Variants in RFX6 observed in about 807,000 individuals in gnomAD.
The protein encoded by RFX6 is regulatory factor X6, also known as DNA-binding protein RFX6.
Under a neutral mutation model 110.8 loss-of-function variants are expected in RFX6, and 50 were observed. The ratio of observed to expected loss-of-function variants is 0.45; its 90% CI spans 0.36 to 0.57. The LOEUF is 0.57. RFX6 is among the 20% of genes least tolerant of loss of function. RFX6 has a pLI of 0.00. For missense variants in RFX6, 990 were observed against 1,127.0 expected (o/e 0.88, Z 1.74); for synonymous variants, 383 against 411.2 (o/e 0.93, Z 0.83).
intron 4 of RFX6, among the ~76,000 whole-genome samples, chr6:116,887,976 G>C (rs1774736331): frequency 6.6e-6 from 1 of 152,150 alleles, no homozygotes; most frequent in Non-Finnish European, 1.5e-5. Flanking sequence ...ACTTTGATCA[G>C]CCAAATCTTG....
At chr6:116,910,171 T>G (rs957403346) in intron 6 of RFX6, among the ~76,000 whole-genome samples, 15 of 152,268 alleles carry the variant, frequency 9.9e-5, no homozygotes, top group African/African-American at 3.6e-4. Flanking sequence ...CAATCTGGTT[T>G]GTTAAAATTT....
At position 116,877,852 on chromosome 6, in the gene RFX6, GAC is replaced by G; in HGVS notation, c.282_283del (p.Asp94GlufsTer23). On this transcript the variant is annotated frameshift_variant, in exon 2 of 19. Coordinates refer to ENST00000332958, the MANE Select transcript of RFX6 (RefSeq NM_173560.4). LOFTEE classifies it high-confidence loss of function. ...SSEEEDADNH[D>X]SKTKAADQYL... ...TGAAGAAGAGGACGCCGACAACCACGACAGCAAAACCAAAGCAGCGGATCAAT... is the reference window on the plus strand; with the variant it reads ...TGAAGAAGAGGACGCCGACAACCACGAGCAAAACCAAAGCAGCGGATCAAT... The G allele has an allele frequency of 1.2e-6, 2 of 1,614,044 alleles. No individual in the cohort carries two copies. The highest frequency in any genetic ancestry group is 1.7e-6 in the Non-Finnish European group (2 of 1,179,990).
In RFX6 at chr6:116,877,287, C is replaced by T. The variant is rs1363007876; in HGVS notation, c.12C>T (p.Val4=). 13 of 1,610,884 alleles carry T rather than the reference C, an allele frequency of 8.1e-6. No homozygotes were observed. Among genetic ancestry groups the T allele is most frequent in the Non-Finnish European group, 1.1e-5 (13 of 1,178,930 alleles). The change falls in exon 1 of 19, where the codon GTC becomes GTT. Residue 4 remains valine (V), a synonymous_variant. Coordinates refer to ENST00000332958, the MANE Select transcript of RFX6 (RefSeq NM_173560.4). ...CGGCGGCCAGGAGGATGGCCAAGGT[C>T]CCGGAGCTGGAAGACACCTTCCTGC... MAK[V]PELEDTFLQA...
intron 6 of RFX6, among the ~76,000 whole-genome samples, chr6:116,898,511 GT>G (rs1405831519): frequency 6.6e-6 from 1 of 151,978 alleles, no homozygotes; most frequent in East Asian, 1.9e-4. Context: ...TTGGAATTTA[GT>G]TTTGAAGGAT....
In RFX6 at chr6:116,920,366, T is replaced by C. The variant is rs1775567366; in HGVS notation, c.1239T>C (p.Ile413=). 6.2e-7 allele frequency: 1 copy of C among 1,612,162 alleles called. No homozygotes were observed. The highest frequency in any genetic ancestry group is 8.5e-7 in the Non-Finnish European group (1 of 1,178,210). Residue 413 remains isoleucine, a synonymous_variant, in exon 12 of 19, where the codon ATT becomes ATC. Coordinates refer to ENST00000332958, the MANE Select transcript of RFX6 (RefSeq NM_173560.4). ...QHVVNSMVSD[I]ERVDLNSIGS... Reference sequence around the variant, plus strand: ...TCGTTAATTCTATGGTGTCTGATATTGAAAGGGTTGATTTGAACAGCATTG... The same window carrying C: ...TCGTTAATTCTATGGTGTCTGATATCGAAAGGGTTGATTTGAACAGCATTG...
chr6:116,882,569 GAAAA>G, intron 4 of RFX6, 141 bp downstream of exon 4: 3 of 455,164 alleles, frequency 6.6e-6, no homozygotes, highest in South Asian at 3.0e-5. Context: ...TGTGAGAACT[GAAAA>G]AAAAAAAAAG....
At chr6:116,880,036 A>C (rs1774553712) in intron 2 of RFX6, among the ~76,000 whole-genome samples, 1 of 152,094 alleles carries the variant, frequency 6.6e-6, no homozygotes, top group South Asian at 2.1e-4. Context: ...AGACTTAAGT[A>C]AAATGAGTTT....
intron 2 of RFX6, 29 bp from the exon 3 acceptor site, chr6:116,880,515 T>C: frequency 1.2e-6 from 2 of 1,600,804 alleles, no homozygotes; most frequent in Non-Finnish European, 1.7e-6. Flanking sequence ...AATAAAATAT[T>C]TGACCTAATT....
intron 18 of RFX6, among the ~76,000 whole-genome samples, chr6:116,929,754 T>C (rs1423206248): frequency 6.6e-6 from 1 of 152,216 alleles, no homozygotes; most frequent in African/African-American, 2.4e-5. Context: ...TTAATATTTA[T>C]ATGAGATGGT....
chr6:116,921,953 G>T, intron 12 of RFX6, 89 bp from the exon 13 acceptor site: 1 of 697,186 alleles, frequency 1.4e-6, no homozygotes, highest in Non-Finnish European at 2.6e-6. Flanking sequence ...AAGTATTGAT[G>T]ATTCCAAGTT....
At chr6:116,925,847 C>T (rs1775714085) in intron 16 of RFX6, among the ~76,000 whole-genome samples, 188 bp downstream of exon 16, 1 of 152,090 alleles carries the variant, frequency 6.6e-6, no homozygotes, top group Non-Finnish European at 1.5e-5. Context: ...GTTATTAACA[C>T]AGGTATCATG....
chr6:116,912,927 G>A lies in RFX6; in HGVS notation c.780+1885G>A, dbSNP rs561226080. Among the ~76,000 whole-genome samples the A allele has an allele frequency of 1.1e-4, 17 of 152,214 alleles. 1 individual carries two copies. In the South Asian group the frequency reaches 3.5e-3, roughly 32 times the overall value. ...GTTCATTCCCAGTGGACTCCATCAT[G>A]AAAGCCAGGGACTGACACTCTTTTT... On this transcript the variant is annotated intron_variant, in intron 7 of 18. Coordinates refer to ENST00000332958, the MANE Select transcript of RFX6 (RefSeq NM_173560.4).
chr6:116,899,137 A>T (rs572522051), intron 6 of RFX6, among the ~76,000 whole-genome samples: 118 of 152,312 alleles, frequency 7.7e-4, no homozygotes, highest in Non-Finnish European at 1.3e-3. Flanking sequence ...AATATTCAGG[A>T]ACAGTTATAA....
At chr6:116,901,456 C>T (rs1233586672) in intron 6 of RFX6, among the ~76,000 whole-genome samples, 1 of 152,128 alleles carries the variant, frequency 6.6e-6, no homozygotes, top group Non-Finnish European at 1.5e-5. Flanking sequence ...CTCTATTGGA[C>T]AGCACTGTTC....
chr6:116,898,876 TAG>T (rs1014628896), intron 6 of RFX6, among the ~76,000 whole-genome samples: 2 of 152,200 alleles, frequency 1.3e-5, no homozygotes, highest in Non-Finnish European at 2.9e-5. Context: ...CCAGGTTTTC[TAG>T]AGAGAATATA....
intron 17 of RFX6, among the ~76,000 whole-genome samples, chr6:116,928,221 A>C (rs595698): frequency 0.24 from 36,963 of 152,132 alleles, 4,878 homozygotes; most frequent in South Asian, 0.42. Context: ...AAGATTGGGA[A>C]CAAAACAGAC....
rs1774606769 is a variant in RFX6, at chr6:116,882,356, T to G, written c.505-11T>G. On this transcript the variant is annotated splice_polypyrimidine_tract_variant and intron_variant, in intron 3 of 18. Coordinates refer to ENST00000332958, the MANE Select transcript of RFX6 (RefSeq NM_173560.4). Reference sequence around the variant, plus strand: ...CTTTCTAACGCCTAAAGTAATCATCTTTCTTTTTAGACAATTCGCCAGAAG... The same window carrying G: ...CTTTCTAACGCCTAAAGTAATCATCGTTCTTTTTAGACAATTCGCCAGAAG... 1 of 1,609,978 alleles carries G rather than the reference T, an allele frequency of 6.2e-7. No homozygotes were observed. Among genetic ancestry groups the G allele is most frequent in the African/African-American group, 1.3e-5 (1 of 74,962 alleles).
chr6:116,929,861 CCTCA>C (rs1775843686), intron 18 of RFX6, among the ~76,000 whole-genome samples: 1 of 152,194 alleles, frequency 6.6e-6, no homozygotes, highest in Non-Finnish European at 1.5e-5. Flanking sequence ...TTTCATCTCT[CCTCA>C]CTCAGTGTAC....
intron 12 of RFX6, among the ~76,000 whole-genome samples, chr6:116,921,818 GTC>G (rs991199712): frequency 2.5e-4 from 38 of 151,440 alleles, no homozygotes; most frequent in African/African-American, 6.0e-4. Context: ...GCAAGATCCT[GTC>G]TCTCTCTCTC....
Sources: allele counts gnomAD v4.1 joint callset (sites outside exome capture counted in the v4.1 genomes callset), GRCh38; gene constraint gnomAD v4.1.1; transcripts MANE v1.5; gene names NCBI Gene and HGNC (gene_info 2026-07-23, HGNC 2026-07-21).